The following DLG2 variants were observed in gnomAD, a reference collection of about 807,000 sequenced individuals.
DLG2 encodes discs large MAGUK scaffold protein 2, also known as disks large homolog 2.
DLG2 carries 45 observed loss-of-function variants against 132.5 expected under a neutral mutation model. The observed-to-expected ratio is 0.34, with a 90% CI of 0.27 to 0.44. The LOEUF (loss-of-function observed/expected upper bound fraction) is 0.44. DLG2 is among the 20% of genes least tolerant of loss of function. DLG2 has a pLI of 1.00. For missense variants in DLG2, 1,045 were observed against 1,196.9 expected (o/e 0.87, Z 1.87); for synonymous variants, 424 against 419.6 (o/e 1.01, Z -0.13).
intron 11 of DLG2, among the ~76,000 whole-genome samples, chr11:83,984,464 T>G (rs765325331): frequency 6.6e-6 from 1 of 152,120 alleles, no homozygotes; most frequent in African/African-American, 2.4e-5. Context: ...ATTCTAAATA[T>G]TCAATTCAGA....
intron 22 of DLG2, among the ~76,000 whole-genome samples, chr11:83,479,400 C>T (rs911201317): frequency 1.3e-5 from 2 of 151,964 alleles, no homozygotes; most frequent in African/African-American, 4.8e-5. Flanking sequence ...TCAAACAATT[C>T]TAGTTTTCAA....
chr11:84,616,981 T>C (rs2099605473), intron 6 of DLG2, among the ~76,000 whole-genome samples: 1 of 149,288 alleles, frequency 6.7e-6, no homozygotes, highest in South Asian at 2.2e-4. Flanking sequence ...TCTCTTCCCT[T>C]TCTTTTTTTT....
intron 25 of DLG2, 49 bp downstream of exon 25, chr11:83,469,152 A>C (rs2091646208): frequency 7.0e-7 from 1 of 1,427,940 alleles, no homozygotes; most frequent in Non-Finnish European, 9.3e-7. Flanking sequence ...TGCAGTTTGC[A>C]ACCTAGAAAC....
intron 6 of DLG2, among the ~76,000 whole-genome samples, chr11:84,573,739 G>A (rs1592683798): frequency 1.3e-5 from 2 of 152,134 alleles, no homozygotes; most frequent in South Asian, 2.1e-4. Flanking sequence ...CAGATGTCAT[G>A]GGGAGGAAAA....
rs552505402 is a variant in DLG2, at chr11:84,833,499, TGACTTA to T, written c.357+278156_357+278161del. The stretch of plus-strand genomic sequence containing the variant: ...ATTTTACACACATCCTATAGAACTG[TGACTTA>T]GACCACACTGGGTTTTCACATTGAC... On this transcript the variant is annotated intron_variant, in intron 6 of 27. Coordinates refer to ENST00000376104, the MANE Select transcript of DLG2 (RefSeq NM_001142699.3). 4.7e-4 allele frequency among the ~76,000 whole-genome samples: 72 copies of T among 151,736 alleles called. No individual in the cohort carries two copies. In the South Asian group the frequency reaches 0.014, roughly 29 times the overall value.
intron 3 of DLG2, among the ~76,000 whole-genome samples, chr11:85,308,140 C>T (rs1256377390): frequency 4.6e-5 from 6 of 129,904 alleles, no homozygotes; most frequent in Admixed American, 7.9e-5. Flanking sequence ...GGTGACAGAG[C>T]GAGACTCTGT....
chr11:85,619,414 C>A (rs774265197), intron 2 of DLG2, among the ~76,000 whole-genome samples: 10 of 151,834 alleles, frequency 6.6e-5, no homozygotes, highest in Non-Finnish European at 1.3e-4. Context: ...CTTTGACTTA[C>A]AGAAAATGCA....
intron 6 of DLG2, among the ~76,000 whole-genome samples, chr11:84,600,299 G>C (rs2099574121): frequency 6.6e-6 from 1 of 152,052 alleles, no homozygotes; most frequent in South Asian, 2.1e-4. Context: ...GAGTATGAAT[G>C]TCAGGGCAAA....
At chr11:84,087,948 T>A (rs2097018466) in intron 10 of DLG2, among the ~76,000 whole-genome samples, 1 of 152,220 alleles carries the variant, frequency 6.6e-6, no homozygotes, top group Non-Finnish European at 1.5e-5. Flanking sequence ...TAGAAAATAA[T>A]ACGAAATGAT....
chr11:85,422,096 C>T (rs930564424), intron 3 of DLG2, among the ~76,000 whole-genome samples: 2 of 152,162 alleles, frequency 1.3e-5, no homozygotes, highest in South Asian at 4.1e-4. Flanking sequence ...TTACCTGGTG[C>T]TTTTGTCTCA....
At chr11:84,589,808 A>G (rs551424219) in intron 6 of DLG2, among the ~76,000 whole-genome samples, 1 of 152,328 alleles carries the variant, frequency 6.6e-6, no homozygotes, top group African/African-American at 2.4e-5. Context: ...TGTTTATGAG[A>G]CAATTGTCCC....
chr11:84,689,488 C>T (rs1207071928), intron 6 of DLG2, among the ~76,000 whole-genome samples: 4 of 152,012 alleles, frequency 2.6e-5, no homozygotes, highest in Admixed American at 6.6e-5. Flanking sequence ...GGTGATGACT[C>T]ACTTTACTGG....
At chr11:85,261,321 G>C (rs1268581149) in intron 4 of DLG2, among the ~76,000 whole-genome samples, 1 of 152,034 alleles carries the variant, frequency 6.6e-6, no homozygotes, top group Non-Finnish European at 1.5e-5. Context: ...TGGAACAATT[G>C]TTTTCCCCTA....
intron 19 of DLG2, among the ~76,000 whole-genome samples, chr11:83,624,484 A>C (rs554343798): frequency 1.3e-5 from 2 of 152,368 alleles, no homozygotes; most frequent in African/African-American, 2.4e-5. Flanking sequence ...CAAATCCCTG[A>C]AAGAGTAAGC....
chr11:84,509,777 G>A (rs1281028492), intron 7 of DLG2, among the ~76,000 whole-genome samples: 1 of 151,986 alleles, frequency 6.6e-6, no homozygotes, highest in Non-Finnish European at 1.5e-5. Context: ...TAAAAATTGT[G>A]CAGAATACAA....
intron 21 of DLG2, among the ~76,000 whole-genome samples, chr11:83,518,133 G>A (rs1442939239): frequency 6.6e-6 from 1 of 152,218 alleles, no homozygotes; most frequent in Non-Finnish European, 1.5e-5. Context: ...AGTCTACAGA[G>A]GCAGGCAGGC....
intron 18 of DLG2, among the ~76,000 whole-genome samples, chr11:83,704,635 G>T (rs976499678): frequency 2.0e-5 from 3 of 147,740 alleles, no homozygotes; most frequent in African/African-American, 7.6e-5. Flanking sequence ...TGGCCAACGT[G>T]GTGAAACCCC....
chr11:85,424,809 A>C (rs2090585971), intron 3 of DLG2, among the ~76,000 whole-genome samples: 1 of 152,180 alleles, frequency 6.6e-6, no homozygotes, highest in African/African-American at 2.4e-5. Context: ...ATACAAGGGA[A>C]AAACAGCCCT....
intron 6 of DLG2, among the ~76,000 whole-genome samples, chr11:84,803,860 T>C (rs916038385): frequency 6.6e-6 from 1 of 152,302 alleles, no homozygotes; most frequent in African/African-American, 2.4e-5. Flanking sequence ...GACTTCTTCA[T>C]GAGAACAGAG....
Sources: gnomAD v4.1 joint callset for allele counts (sites outside exome capture counted in the v4.1 genomes callset) on GRCh38, gnomAD v4.1.1 for gene constraint, MANE v1.5 for transcripts, NCBI Gene and HGNC (gene_info 2026-07-23, HGNC 2026-07-21) for gene names.